The following CUL9 variants were observed in gnomAD, a reference collection of about 807,000 sequenced individuals.
The protein encoded by CUL9 is cullin 9.
A neutral mutation model predicts 272.6 loss-of-function variants in CUL9; 79 were observed. That is an observed-to-expected ratio of 0.29 (90% confidence interval 0.24 to 0.35). CUL9 has a LOEUF of 0.35. CUL9 is among the 10% of genes least tolerant of loss of function. The probability of loss-of-function intolerance (pLI) is 1.00; values close to 1 mark genes in which losing one functional copy is unlikely to be tolerated. For missense variants in CUL9, 2,532 were observed against 3,255.6 expected (o/e 0.78, Z 5.41); for synonymous variants, 1,186 against 1,286.5 (o/e 0.92, Z 1.67).
intron 1 of CUL9, among the ~76,000 whole-genome samples, chr6:43,183,707 TTC>T (rs1287925543): frequency 2.2e-4 from 27 of 124,350 alleles, no homozygotes; most frequent in African/African-American, 9.0e-4. Flanking sequence ...CCTTCCTTTC[TTC>T]CTTCCTTCCT....
At chr6:43,185,381 GAGAT>G in intron 2 of CUL9, 71 bp from the exon 3 acceptor site, 1 of 1,506,748 alleles carries the variant, frequency 6.6e-7, no homozygotes, top group African/African-American at 1.4e-5. Context: ...TCTGGGGTAG[GAGAT>G]AGAATCTAGG....
At chr6:43,191,377 A>T (rs1773474444) in intron 8 of CUL9, among the ~76,000 whole-genome samples, 1 of 149,894 alleles carries the variant, frequency 6.7e-6, no homozygotes, top group African/African-American at 2.5e-5. Flanking sequence ...CAATAGCAAG[A>T]TCACATAGCT....
At position 43,198,774 on chromosome 6, in the gene CUL9, A is replaced by G. The variant is rs764077472; in HGVS notation, c.2969A>G (p.Gln990Arg). ...AGGCCCCTCCTCAAGCGCCTCCAGC[A>G]GGAGACCCAGCCTTTCCTCCTGTTG... ...AVRPLLKRLQ[Q>R]ETQPFLLLLR... Residue 990 changes from glutamine (Q) to arginine (R), a missense_variant, in exon 12 of 41, where the codon CAG becomes CGG. Around this residue, in one of 3 missense-constraint regions of CUL9, gnomAD observed 2,218 missense variants for 2,788.6 expected, o/e 0.80. Coordinates refer to ENST00000252050, the MANE Select transcript of CUL9 (RefSeq NM_015089.4). 5 of 1,614,070 alleles carry G rather than the reference A, an allele frequency of 3.1e-6. No individual in the cohort carries two copies. The highest frequency in any genetic ancestry group is 4.2e-6 in the Non-Finnish European group (5 of 1,180,030).
In CUL9 at chr6:43,184,985, C is replaced by A; in HGVS notation, c.595+80C>A. 2 of 1,075,412 alleles carry A rather than the reference C, an allele frequency of 1.9e-6. No individual in the cohort carries two copies. Among genetic ancestry groups the A allele is most frequent in the Non-Finnish European group, 2.6e-6 (2 of 762,526 alleles). The allele number at this position is 1,075,412 out of a possible 1,614,324, so 66.6% of individuals were successfully genotyped here. On this transcript the variant is annotated intron_variant, in intron 2 of 40. Transcript: ENST00000252050. The surrounding 1 kb of genome is among the most constrained non-coding windows in gnomAD (Gnocchi z 4.8). Reference sequence around the variant, plus strand: ...ATAAGAAAGAGGAGAGATTTCCTAGCTCTGTAAGAACACCTAGTATTTGGT... The same window carrying A: ...ATAAGAAAGAGGAGAGATTTCCTAGATCTGTAAGAACACCTAGTATTTGGT...
chr6:43,221,660 C>T lies in CUL9; in HGVS notation c.6753-25C>T, dbSNP rs1312119554. 1 of 1,607,732 alleles carries T rather than the reference C, an allele frequency of 6.2e-7. No individual in the cohort carries two copies. The highest frequency in any genetic ancestry group is 1.7e-5 in the Admixed American group (1 of 59,860). ...ACACCCCTGCCCAGAGGCAGGAGTC[C>T]CTGACCAGCCAGCTTCCTCCATAGC... On this transcript the variant is annotated intron_variant, in intron 34 of 40. Transcript: ENST00000252050. This position sits in a 1 kb window ranked among gnomAD's most constrained non-coding sequence, Gnocchi z 4.2.
At chr6:43,190,268 A>G (rs1200513623) in intron 8 of CUL9, among the ~76,000 whole-genome samples, 1 of 151,610 alleles carries the variant, frequency 6.6e-6, no homozygotes, top group East Asian at 1.9e-4. Flanking sequence ...AGTTCTGGTA[A>G]AGTTAGGCAC....
chr6:43,184,796 C>T lies in CUL9; in HGVS notation c.486C>T (p.Phe162=). ...YASIGPLTGV[F]RETGALDLLM... ...GCATCGGGCCCCTCACTGGTGTCTTCAGGGAGACAGGAGCCCTGGACCTGC... is the reference window on the plus strand; with the variant it reads ...GCATCGGGCCCCTCACTGGTGTCTTTAGGGAGACAGGAGCCCTGGACCTGC... Residue 162 remains phenylalanine (F), a synonymous_variant, in exon 2 of 41, where the codon TTC becomes TTT. Coordinates refer to ENST00000252050, the MANE Select transcript of CUL9 (RefSeq NM_015089.4). This position sits in a 1 kb window ranked among gnomAD's most constrained non-coding sequence, Gnocchi z 4.8. 3 of 1,613,998 alleles carry T rather than the reference C, an allele frequency of 1.9e-6. No individual in the cohort carries two copies. In the South Asian group the frequency reaches 3.3e-5, roughly 18 times the overall value.
rs1773996986 is a variant in CUL9, at chr6:43,196,375, C to T, written c.2585+110C>T. The T allele has an allele frequency of 7.2e-6, 8 of 1,117,294 alleles. No individual in the cohort carries two copies. The East Asian group carries it at 1.0e-4, about 14-fold the overall frequency. The allele number at this position is 1,117,294 out of a possible 1,614,324, so 69.2% of individuals were successfully genotyped here. The stretch of plus-strand genomic sequence containing the variant: ...GAAATTCCCCTCACGCTGTCACCTC[C>T]GGATTAAGCATTGGTGGCGCTGCCA... On this transcript the variant is annotated intron_variant, in intron 10 of 40. Coordinates refer to ENST00000252050, the MANE Select transcript of CUL9 (RefSeq NM_015089.4).
At chr6:43,212,537 T>C (rs1775601466) in intron 26 of CUL9, among the ~76,000 whole-genome samples, 1 of 152,244 alleles carries the variant, frequency 6.6e-6, no homozygotes, top group African/African-American at 2.4e-5. Flanking sequence ...ATTTTAAAAA[T>C]AATATGGTGG....
rs77468020 is a variant in CUL9, at chr6:43,216,006, G to A, written c.5937-152G>A. On this transcript the variant is annotated intron_variant, in intron 30 of 40. Coordinates refer to ENST00000252050, the MANE Select transcript of CUL9 (RefSeq NM_015089.4). ...TTACAGGTGCTTCTGTGGAGGATCT[G>A]CTCTGACGGTTGGTTTGGGTGGTTA... 911 of 667,052 alleles carry A rather than the reference G, an allele frequency of 1.4e-3. 6 individuals carry two copies. The African/African-American group carries it at 0.015, about 11-fold the overall frequency. 41.3% of individuals were successfully genotyped at this position (667,052 alleles called of 1,614,324 possible).
rs1562042079 is a variant in CUL9 at position 43,204,569 on chromosome 6, ACT to A, written c.4339+33_4339+34del. 17 of 1,612,680 alleles carry A rather than the reference ACT, an allele frequency of 1.1e-5. No homozygotes were observed. The East Asian group carries it at 3.8e-4, about 36-fold the overall frequency. On this transcript the variant is annotated intron_variant, in intron 21 of 40. Transcript: ENST00000252050. ...GTCCCAGCTGTGGCCAGTGGAGCTG[ACT>A]CTGCGGACAGTGGTGTATCTGGCTC...
At chr6:43,182,937 T>C (rs541559900) in intron 1 of CUL9, among the ~76,000 whole-genome samples, 1 of 152,168 alleles carries the variant, frequency 6.6e-6, no homozygotes, top group Non-Finnish European at 1.5e-5. Context: ...TCCCCTACCT[T>C]CTCCATCTAA....
At position 43,205,404 on chromosome 6, in the gene CUL9, A is replaced by G. The variant is rs376556217; in HGVS notation, c.4774A>G (p.Thr1592Ala). ...MVLSGLELATTFEHFYQHYMA... is the reference protein window; with the variant it reads ...MVLSGLELATAFEHFYQHYMA... ...CCTTTCTGGTCTGGAACTGGCCACA[A>G]CTTTTGAGCACTTCTATCAGTGAGT... Residue 1592 changes from threonine (T) to alanine (A), a missense_variant, in exon 24 of 41, where the codon ACT becomes GCT. Transcript: ENST00000252050. The G allele has an allele frequency of 2.1e-5, 34 of 1,613,946 alleles. No homozygotes were observed. The highest frequency in any genetic ancestry group is 2.7e-5 in the Non-Finnish European group (32 of 1,179,954).
chr6:43,188,989 A>C (rs1046647721), intron 8 of CUL9: 1 of 288,018 alleles, frequency 3.5e-6, no homozygotes, highest in African/African-American at 2.2e-5. Context: ...TTATCCTACT[A>C]TATGGGTGAG....
chr6:43,204,699 C>T (rs1430407074), intron 21 of CUL9, 49 bp from the exon 22 acceptor site: 1 of 1,603,824 alleles, frequency 6.2e-7, no homozygotes, highest in Non-Finnish European at 8.5e-7. Context: ...CCGGTGTACT[C>T]ACCCAGAGGC....
Position 43,187,958 on chromosome 6 carries a change from T to G in CUL9, c.1827T>G (p.Thr609=). The G allele has an allele frequency of 6.2e-7, 1 of 1,614,060 alleles. No homozygotes were observed. Among genetic ancestry groups the G allele is most frequent in the Non-Finnish European group, 8.5e-7 (1 of 1,180,014 alleles). The change falls in exon 7 of 41, where the codon ACT becomes ACG. Residue 609 remains threonine, a synonymous_variant. Transcript: ENST00000252050. The part of the protein sequence containing the change: ...KSEASFSEEE[T]ESLKAKAEAP... ...AGGCCAGCTTCTCAGAGGAAGAGAC[T>G]GAGTCCCTCAAAGCAAAGGCCGAGG... is the stretch of plus-strand genomic sequence containing the variant.
Position 43,216,243 on chromosome 6 carries a change from C to T in CUL9, c.6022C>T (p.Gln2008Ter). ...CCAGGAAGTAGAAGGGTTGATGAAG[C>T]AGACGGTGCGTCAGGTGCAGGAGAC... is the stretch of plus-strand genomic sequence containing the variant. ...SPQEVEGLMK[Q>*]TVRQVQETLN... Residue 2008 changes from glutamine to a stop codon, truncating the protein, a stop_gained, in exon 31 of 41, where the codon CAG becomes TAG. Transcript: ENST00000252050. LOFTEE classifies it high-confidence loss of function. The T allele has an allele frequency of 6.2e-7, 1 of 1,613,784 alleles. No individual in the cohort carries two copies.
chr6:43,216,323 C>T lies in CUL9; in HGVS notation c.6102C>T (p.Gly2034=), dbSNP rs376792971. The T allele has an allele frequency of 1.2e-5, 19 of 1,614,064 alleles. No individual in the cohort carries two copies. Among genetic ancestry groups the T allele is most frequent in the African/African-American group, 2.7e-5 (2 of 74,932 alleles). The part of the protein sequence containing the change: ...AQHLLAHSHW[G]AEQLLQSYSE... ...ACCTTTTGGCTCATTCCCACTGGGG[C>T]GCTGAACAGCTGCTGCAGAGCTACA... The change falls in exon 31 of 41, where the codon GGC becomes GGT. Residue 2034 remains glycine (G), a synonymous_variant. Transcript: ENST00000252050.
chr6:43,192,627 G>A (rs922995576), intron 8 of CUL9, among the ~76,000 whole-genome samples: 4 of 152,174 alleles, frequency 2.6e-5, no homozygotes, highest in African/African-American at 9.7e-5. Context: ...AGTGAGCTGA[G>A]ATCGCGCCAT....
Sources: gnomAD v4.1 joint callset for allele counts (sites outside exome capture counted in the v4.1 genomes callset) on GRCh38, gnomAD v4.1.1 for gene constraint, gnomAD v4.1.1 regional missense constraint, Gnocchi (gnomAD v3.1) non-coding constraint, MANE v1.5 for transcripts, NCBI Gene and HGNC (gene_info 2026-07-23, HGNC 2026-07-21) for gene names.